The following ACOXL variants were observed in gnomAD, a reference collection of about 807,000 sequenced individuals.
The protein encoded by ACOXL is acyl-coenzyme A oxidase-like protein.
In ACOXL, 70 loss-of-function variants were observed where a neutral mutation model predicts 71.9. The observed-to-expected ratio is 0.97, with a 90% confidence interval of 0.80 to 1.19. The LOEUF (loss-of-function observed/expected upper bound fraction) is 1.19, where lower values mean the gene tolerates loss of function less well. Among genes scored for constraint, ACOXL ranks in the 50% most tolerant of loss-of-function variants. The pLI, the probability that ACOXL is intolerant of heterozygous loss-of-function variation, is 0.00. For missense variants in ACOXL, 703 were observed against 736.3 expected, an observed-to-expected ratio of 0.95 and a Z score of 0.52; for synonymous variants, 253 against 281.6, an observed-to-expected ratio of 0.90 and a Z score of 1.02.
At chr2:111,032,246 A>G (rs753583326) in intron 15 of ACOXL, among the ~76,000 whole-genome samples, 3 of 151,776 alleles carry the variant, frequency 2.0e-5, no homozygotes, top group Non-Finnish European at 4.4e-5. Context: ...GGCAATGTTT[A>G]GAGACGTTTT....
chr2:110,854,271 A>G (rs1692976751), intron 10 of ACOXL, among the ~76,000 whole-genome samples: 1 of 152,150 alleles, frequency 6.6e-6, no homozygotes, highest in Non-Finnish European at 1.5e-5. Context: ...TATGATTAGC[A>G]TTGTTGGTAC....
intron 16 of ACOXL, among the ~76,000 whole-genome samples, chr2:111,062,318 T>C (rs530747643): frequency 1.2e-4 from 18 of 151,584 alleles, no homozygotes; most frequent in Non-Finnish European, 1.9e-4. Flanking sequence ...ACAAAATATG[T>C]GATGTGAAAA....
Position 110,968,430 on chromosome 2 carries a change from C to T in ACOXL, c.1060-18678C>T, listed in dbSNP as rs558184301. 5 of 1,171,614 alleles carry T rather than the reference C, an allele frequency of 4.3e-6. No individual in the cohort carries two copies. The South Asian group carries it at 4.9e-5, about 11-fold the overall frequency. The allele number at this position is 1,171,614 out of a possible 1,614,324, so 72.6% of individuals were successfully genotyped here. A position where few individuals can be genotyped will look rare whatever the true frequency, so the allele number is the denominator to read the frequency against. On this transcript the variant is annotated intron_variant, in intron 12 of 17. Coordinates refer to ENST00000439055, the MANE Select transcript of ACOXL (RefSeq NM_001142807.4). ...ATGCAGAAGTACACCAGAAGCACAT[C>T]ACGGGCCAGAATGTTGCAGATTACC...
At chr2:111,002,372 A>C (rs191239226) in intron 14 of ACOXL, among the ~76,000 whole-genome samples, 30 of 152,372 alleles carry the variant, frequency 2.0e-4, no homozygotes, top group Non-Finnish European at 4.1e-4. Context: ...TTTGGCATTG[A>C]TATACACATT....
chr2:110,952,451 A>AT (rs772546319), intron 12 of ACOXL, among the ~76,000 whole-genome samples: 1 of 151,834 alleles, frequency 6.6e-6, no homozygotes, highest in Non-Finnish European at 1.5e-5. Flanking sequence ...TATTTCATTG[A>AT]TTTTTATCTT....
intron 14 of ACOXL, among the ~76,000 whole-genome samples, chr2:110,997,045 C>T (rs2063427594): frequency 6.6e-6 from 1 of 152,180 alleles, no homozygotes; most frequent in Non-Finnish European, 1.5e-5. Flanking sequence ...ATATCCTCCA[C>T]ATATCAAACA....
rs141037626 is a variant in ACOXL at position 110,806,737 on chromosome 2, C to T, written c.753+1342C>T. On this transcript the variant is annotated intron_variant, in intron 9 of 17. Transcript: ENST00000439055. ...GAGAGTGCTGGGCGCATATAAAAAACGCAAGGTGGTCAGCGGCCAGGCAGG... is the reference window on the plus strand; with the variant it reads ...GAGAGTGCTGGGCGCATATAAAAAATGCAAGGTGGTCAGCGGCCAGGCAGG... Among the ~76,000 whole-genome samples, 175 of 152,254 alleles carry T rather than the reference C, an allele frequency of 1.1e-3. 2 individuals carry two copies. Among genetic ancestry groups the T allele is most frequent in the African/African-American group, 4.0e-3 (167 of 41,552 alleles).
chr2:111,025,526 C>T (rs1033277349), intron 14 of ACOXL, among the ~76,000 whole-genome samples: 1 of 152,166 alleles, frequency 6.6e-6, no homozygotes, highest in Non-Finnish European at 1.5e-5. Context: ...TTAGTGGGTG[C>T]GTAGTACCTT....
chr2:110,741,873 G>T (rs1677587007), intron 1 of ACOXL, among the ~76,000 whole-genome samples: 1 of 152,232 alleles, frequency 6.6e-6, no homozygotes, highest in Non-Finnish European at 1.5e-5. Context: ...TTGGGGCAGG[G>T]GGTGGGCTGG....
intron 10 of ACOXL, among the ~76,000 whole-genome samples, chr2:110,855,493 A>G (rs1693119497): frequency 6.6e-6 from 1 of 152,214 alleles, no homozygotes; most frequent in African/African-American, 2.4e-5. Context: ...AAATGCACCA[A>G]ACAAATCAAA....
At chr2:110,751,079 A>G (rs1046061020) in intron 1 of ACOXL, among the ~76,000 whole-genome samples, 1 of 151,950 alleles carries the variant, frequency 6.6e-6, no homozygotes, top group Non-Finnish European at 1.5e-5. Flanking sequence ...CAGGCGGATC[A>G]TGAGGTCAGG....
At chr2:110,916,906 G>GCAGT (rs1354667789) in intron 11 of ACOXL, among the ~76,000 whole-genome samples, 2 of 152,142 alleles carry the variant, frequency 1.3e-5, no homozygotes, top group African/African-American at 4.8e-5. Context: ...TGAAATTGAG[G>GCAGT]CAGTAATTAA....
chr2:111,026,111 A>G lies in ACOXL; in HGVS notation c.1282-5516A>G, dbSNP rs534881811. Among the ~76,000 whole-genome samples the G allele has an allele frequency of 3.3e-5, 5 of 152,262 alleles. No individual in the cohort carries two copies. In the South Asian group the frequency reaches 1.0e-3, roughly 32 times the overall value. Reference sequence around the variant, plus strand: ...GTTTCTGAACTCTCTACTGTGTTCTATTCACTCATGTTTCTATCCTTACCC... The same window carrying G: ...GTTTCTGAACTCTCTACTGTGTTCTGTTCACTCATGTTTCTATCCTTACCC... On this transcript the variant is annotated intron_variant, in intron 14 of 17. Coordinates refer to ENST00000439055, the MANE Select transcript of ACOXL (RefSeq NM_001142807.4).
chr2:110,784,258 C>CA (rs879294920), intron 2 of ACOXL, among the ~76,000 whole-genome samples: 194 of 131,522 alleles, frequency 1.5e-3, no homozygotes, highest in Middle Eastern at 3.6e-3. Context: ...CCTGTCTGTA[C>CA]AAAAAAAAAA....
chr2:111,115,202 A>G (rs2070260165), intron 17 of ACOXL, among the ~76,000 whole-genome samples: 1 of 152,236 alleles, frequency 6.6e-6, no homozygotes, highest in Non-Finnish European at 1.5e-5. Context: ...ATAAACTGGC[A>G]GGGCAGAGGA....
chr2:111,057,978 G>A (rs923643656), intron 16 of ACOXL, among the ~76,000 whole-genome samples: 5 of 2,562 alleles, frequency 2.0e-3, no homozygotes, highest in Admixed American at 6.7e-3. Context: ...AGTCTAGCAC[G>A]GCTTGCGGGT....
chr2:111,028,684 C>G (rs572943039), intron 14 of ACOXL, among the ~76,000 whole-genome samples: 1 of 152,226 alleles, frequency 6.6e-6, no homozygotes, highest in Admixed American at 6.5e-5. Flanking sequence ...CTGCCCAAAT[C>G]TATTTGAGGC....
chr2:111,055,416 C>G (rs2066487172), intron 16 of ACOXL, among the ~76,000 whole-genome samples: 1 of 152,236 alleles, frequency 6.6e-6, no homozygotes. Flanking sequence ...AGCACCAAAC[C>G]TAGCAGCCAA....
chr2:110,997,197 A>G (rs899858284), intron 14 of ACOXL, among the ~76,000 whole-genome samples: 6 of 152,264 alleles, frequency 3.9e-5, no homozygotes, highest in African/African-American at 1.4e-4. Flanking sequence ...AGACAAAACG[A>G]TAAGAGAAGA....
Sources: allele counts gnomAD v4.1 joint callset (sites outside exome capture counted in the v4.1 genomes callset), GRCh38; gene constraint gnomAD v4.1.1; transcripts MANE v1.5; gene names NCBI Gene and HGNC (gene_info 2026-07-23, HGNC 2026-07-21).